Variants in DOCK3 observed in about 807,000 individuals in gnomAD.
DOCK3 encodes the protein dedicator of cytokinesis 3.
Under a neutral mutation model 265.6 loss-of-function variants are expected in DOCK3, and 60 were observed. The observed-to-expected ratio is 0.23, with a 90% CI of 0.18 to 0.28. The LOEUF (loss-of-function observed/expected upper bound fraction) is 0.28, where lower values mean the gene tolerates loss of function less well. Among genes scored for constraint, DOCK3 ranks in the 10% least tolerant of loss-of-function variants. DOCK3 has a pLI of 1.00. For missense variants in DOCK3, 1,981 were observed against 2,594.3 expected (o/e 0.76, Z 5.14); for synonymous variants, 881 against 938.0 (o/e 0.94, Z 1.11).
chr3:50,742,861 C>A (rs2039151308), intron 1 of DOCK3, among the ~76,000 whole-genome samples: 1 of 152,118 alleles, frequency 6.6e-6, no homozygotes, highest in South Asian at 2.1e-4. Context: ...CAAAGATACT[C>A]CTTGAGAAGA....
chr3:51,211,491 A>G (rs1393930949), intron 13 of DOCK3, among the ~76,000 whole-genome samples: 1 of 151,974 alleles, frequency 6.6e-6, no homozygotes, highest in Admixed American at 6.6e-5. Flanking sequence ...TACATTAGGT[A>G]TATCTCCTCA....
At chr3:51,014,239 T>G (rs1445702809) in intron 5 of DOCK3, among the ~76,000 whole-genome samples, 1 of 152,186 alleles carries the variant, frequency 6.6e-6, no homozygotes, top group African/African-American at 2.4e-5. Flanking sequence ...ACCACCCATC[T>G]TCTGTGTTGA....
At chr3:51,050,377 AT>A (rs2080950595) in intron 5 of DOCK3, among the ~76,000 whole-genome samples, 1 of 152,154 alleles carries the variant, frequency 6.6e-6, no homozygotes, top group South Asian at 2.1e-4. Flanking sequence ...ACATAATAAT[AT>A]TTTTATGTAG....
Position 50,675,475 on chromosome 3 carries a change from G to A in DOCK3, c.37+175G>A, listed in dbSNP as rs1203921091. Among the ~76,000 whole-genome samples, 1 of 151,704 alleles carries A rather than the reference G, an allele frequency of 6.6e-6. No individual in the cohort carries two copies. Among genetic ancestry groups the A allele is most frequent in the Non-Finnish European group, 1.5e-5 (1 of 67,842 alleles). ...GGGTGCGGGTGCGGGTGCGGGGGTG[G>A]GCGCGGGTCTCTGTGCAGAGAGGGC... On this transcript the variant is annotated intron_variant, in intron 1 of 52. Coordinates refer to ENST00000266037, the MANE Select transcript of DOCK3 (RefSeq NM_004947.5). The surrounding 1 kb of genome is among the most constrained non-coding windows in gnomAD (Gnocchi z 6.1).
At chr3:51,054,304 A>G (rs2081120145) in intron 5 of DOCK3, among the ~76,000 whole-genome samples, 1 of 152,106 alleles carries the variant, frequency 6.6e-6, no homozygotes, top group Non-Finnish European at 1.5e-5. Context: ...TCTAGCTTCC[A>G]GTATTGTTGT....
intron 5 of DOCK3, among the ~76,000 whole-genome samples, chr3:51,019,198 G>C (rs2079484632): frequency 6.6e-6 from 1 of 151,676 alleles, no homozygotes; most frequent in Non-Finnish European, 1.5e-5. Context: ...AGAAATCTTT[G>C]TTTATTGCAA....
chr3:50,760,434 A>AAATC (rs2040453244), intron 1 of DOCK3, among the ~76,000 whole-genome samples: 1 of 152,190 alleles, frequency 6.6e-6, no homozygotes, highest in African/African-American at 2.4e-5. Context: ...AATTGAGTAG[A>AAATC]AATCATACCT....
chr3:51,267,344 TCTA>T (rs1268717538), intron 23 of DOCK3, among the ~76,000 whole-genome samples: 1 of 151,864 alleles, frequency 6.6e-6, no homozygotes, highest in Non-Finnish European at 1.5e-5. Flanking sequence ...TATAAATCAT[TCTA>T]CTATAAAGAC....
chr3:50,900,964 C>T, intron 4 of DOCK3: 1 of 421,584 alleles, frequency 2.4e-6, no homozygotes, highest in Non-Finnish European at 4.7e-6. Context: ...AGGGACCCAC[C>T]TGAGGAAGCA....
At chr3:50,799,634 A>G (rs1187144390) in intron 2 of DOCK3, among the ~76,000 whole-genome samples, 1 of 152,160 alleles carries the variant, frequency 6.6e-6, no homozygotes, top group African/African-American at 2.4e-5. Context: ...TTGTATATAT[A>G]AGATCATGTC....
intron 40 of DOCK3, among the ~76,000 whole-genome samples, chr3:51,352,729 A>G (rs1434094852): frequency 2.0e-5 from 3 of 152,230 alleles, no homozygotes; most frequent in African/African-American, 7.2e-5. Context: ...TGGCAGAATA[A>G]TAAGTCCCAG....
At chr3:50,744,566 T>C (rs1353473546) in intron 1 of DOCK3, among the ~76,000 whole-genome samples, 2 of 152,048 alleles carry the variant, frequency 1.3e-5, no homozygotes, top group Non-Finnish European at 2.9e-5. Flanking sequence ...CCTAGGTAGC[T>C]GGGACTACAG....
chr3:51,056,254 T>C (rs1405065433), intron 5 of DOCK3, among the ~76,000 whole-genome samples: 1 of 152,114 alleles, frequency 6.6e-6, no homozygotes, highest in Non-Finnish European at 1.5e-5. Flanking sequence ...TATTTTTATT[T>C]TATTTATTTT....
At chr3:50,682,301 A>G (rs1317830278) in intron 1 of DOCK3, among the ~76,000 whole-genome samples, 1 of 152,192 alleles carries the variant, frequency 6.6e-6, no homozygotes, top group African/African-American at 2.4e-5. Context: ...TTCTGTTTGT[A>G]CTTAACTCAT....
At chr3:51,150,728 A>G (rs1351404396) in intron 10 of DOCK3, among the ~76,000 whole-genome samples, 1 of 152,164 alleles carries the variant, frequency 6.6e-6, no homozygotes, top group Non-Finnish European at 1.5e-5. Context: ...CTGTTCTTTT[A>G]CATTTGCTGA....
intron 9 of DOCK3, among the ~76,000 whole-genome samples, chr3:51,143,139 G>A (rs540899338): frequency 2.0e-5 from 3 of 151,246 alleles, no homozygotes; most frequent in South Asian, 2.1e-4. Flanking sequence ...TGCCTGCCTC[G>A]GCCTCTCAAA....
At chr3:51,279,222 A>C (rs2108978708) in intron 26 of DOCK3, among the ~76,000 whole-genome samples, 1 of 152,328 alleles carries the variant, frequency 6.6e-6, no homozygotes, top group South Asian at 2.1e-4. Flanking sequence ...ATTGCGCTCC[A>C]GACTGGGTGA....
At chr3:51,260,814 T>C (rs1424565021) in intron 23 of DOCK3, among the ~76,000 whole-genome samples, 1 of 151,958 alleles carries the variant, frequency 6.6e-6, no homozygotes, top group Non-Finnish European at 1.5e-5. Flanking sequence ...AAACCCCATC[T>C]CTACTAAAAA....
chr3:50,779,914 C>G (rs1304624389), intron 2 of DOCK3, among the ~76,000 whole-genome samples: 2 of 152,138 alleles, frequency 1.3e-5, no homozygotes, highest in Admixed American at 6.5e-5. Context: ...CAGTTCAGTA[C>G]GGCTACAAGC....
Sources: gnomAD v4.1 joint callset for allele counts (sites outside exome capture counted in the v4.1 genomes callset) on GRCh38, gnomAD v4.1.1 for gene constraint, Gnocchi (gnomAD v3.1) non-coding constraint, MANE v1.5 for transcripts, NCBI Gene and HGNC (gene_info 2026-07-23, HGNC 2026-07-21) for gene names.